KSR1: variants seen among roughly 807,000 people sequenced by gnomAD.
The protein encoded by KSR1 is kinase suppressor of ras 1, also known as kinase suppressor of ras.
A neutral mutation model predicts 92.9 loss-of-function variants in KSR1; 35 were observed. The ratio of observed to expected loss-of-function variants is 0.38; its 90% CI spans 0.29 to 0.50. KSR1 has a LOEUF of 0.50. KSR1 is among the 20% of genes least tolerant of loss of function. The pLI, the probability that KSR1 is intolerant of heterozygous loss-of-function variation, is 0.94. For missense variants in KSR1, 972 were observed against 1,158.5 expected, an observed-to-expected ratio of 0.84 and a Z score of 2.34; for synonymous variants, 467 against 472.6, an observed-to-expected ratio of 0.99 and a Z score of 0.15.
intron 1 of KSR1, among the ~76,000 whole-genome samples, chr17:27,505,762 T>G (rs1432798644): frequency 6.6e-6 from 1 of 152,254 alleles, no homozygotes; most frequent in Non-Finnish European, 1.5e-5. Context: ...TTTTTGTTGA[T>G]GTTTCTTCCA....
At chr17:27,557,413 G>A (rs1251394349) in intron 2 of KSR1, among the ~76,000 whole-genome samples, 2 of 152,196 alleles carry the variant, frequency 1.3e-5, no homozygotes, top group Non-Finnish European at 1.5e-5. Context: ...GACATAGCAC[G>A]CTCACTTGGC....
In KSR1 at chr17:27,522,399, A is replaced by C. The variant is rs2070077554; in HGVS notation, c.232-28169A>C. 2.0e-5 allele frequency among the ~76,000 whole-genome samples: 3 copies of C among 152,244 alleles called. 1 individual carries two copies. In the South Asian group the frequency reaches 6.2e-4, roughly 31 times the overall value. ...CGCCCAGCTCGCCTTTGCAGTGAGCAGATCCAGTATACATGTCACAGCTGG... is the reference window on the plus strand; with the variant it reads ...CGCCCAGCTCGCCTTTGCAGTGAGCCGATCCAGTATACATGTCACAGCTGG... On this transcript the variant is annotated intron_variant, in intron 1 of 20. Coordinates refer to ENST00000644974, the MANE Select transcript of KSR1 (RefSeq NM_001394583.1).
chr17:27,465,133 T>C (rs1329864367), intron 1 of KSR1: 1 of 150,444 alleles, frequency 6.6e-6, no homozygotes, highest in Non-Finnish European at 1.5e-5. Flanking sequence ...ATAAAAAAAT[T>C]TGTTGTCATT....
At chr17:27,569,124 T>G (rs931734229) in intron 2 of KSR1, among the ~76,000 whole-genome samples, 1 of 152,262 alleles carries the variant, frequency 6.6e-6, no homozygotes, top group African/African-American at 2.4e-5. Context: ...TAATACTGTT[T>G]CTTTTTTTAA....
chr17:27,532,257 G>A, intron 1 of KSR1, among the ~76,000 whole-genome samples: 1 of 152,232 alleles, frequency 6.6e-6, no homozygotes, highest in Middle Eastern at 3.2e-3. Context: ...CAGAGGGCAG[G>A]AGATGCAGAG....
intron 14 of KSR1, among the ~76,000 whole-genome samples, chr17:27,606,510 G>A (rs1251979006): frequency 6.6e-6 from 1 of 152,182 alleles, no homozygotes; most frequent in African/African-American, 2.4e-5. Flanking sequence ...CCGATTGTGG[G>A]TCTGAGGTCT....
intron 14 of KSR1, 23 bp downstream of exon 14, chr17:27,605,836 T>C (rs757852600): frequency 1.2e-6 from 2 of 1,610,830 alleles, no homozygotes; most frequent in East Asian, 2.2e-5. Flanking sequence ...TAGGACCTCA[T>C]GCTGGATGGC....
chr17:27,540,889 A>T (rs777856948), intron 1 of KSR1, among the ~76,000 whole-genome samples: 1 of 152,238 alleles, frequency 6.6e-6, no homozygotes. Context: ...CAAGTTGGCC[A>T]TGGCAGCCAG....
chr17:27,490,500 C>T (rs766925445), intron 1 of KSR1, among the ~76,000 whole-genome samples: 5 of 152,002 alleles, frequency 3.3e-5, no homozygotes, highest in Admixed American at 6.5e-5. Flanking sequence ...CATGGAAAGC[C>T]AATGTATAAA....
intron 2 of KSR1, among the ~76,000 whole-genome samples, chr17:27,554,071 C>G (rs1222440756): frequency 6.6e-6 from 1 of 152,188 alleles, no homozygotes; most frequent in Admixed American, 6.5e-5. Flanking sequence ...TGGGAATTGG[C>G]TCTGTAAGTT....
chr17:27,537,740 G>A (rs1398339022), intron 1 of KSR1, among the ~76,000 whole-genome samples: 1 of 152,144 alleles, frequency 6.6e-6, no homozygotes, highest in Non-Finnish European at 1.5e-5. Flanking sequence ...GATTCATGTA[G>A]GTATTAGGTG....
At position 27,597,294 on chromosome 17, in the gene KSR1, G is replaced by T; in HGVS notation, c.1326G>T (p.Leu442=). ...KKEHPPAMNH[L]DSSSNPSSTT... The stretch of plus-strand genomic sequence containing the variant: ...AGCACCCTCCGGCCATGAATCACCT[G>T]GACTCCAGCAGCAACCCTTCCTCCA... The change falls in exon 10 of 21, where the codon CTG becomes CTT. Residue 442 remains leucine (L), a synonymous_variant. Coordinates refer to ENST00000644974, the MANE Select transcript of KSR1 (RefSeq NM_001394583.1). The T allele has an allele frequency of 3.1e-6, 5 of 1,601,030 alleles. No homozygotes were observed. Among genetic ancestry groups the T allele is most frequent in the Middle Eastern group, 3.3e-4 (2 of 6,046 alleles).
chr17:27,589,816 G>T (rs374167100), intron 6 of KSR1, among the ~76,000 whole-genome samples: 1 of 152,060 alleles, frequency 6.6e-6, no homozygotes, highest in East Asian at 1.9e-4. Flanking sequence ...ACACTGATAC[G>T]TTGAAACGTC....
Position 27,563,981 on chromosome 17 carries a change from CTTTTTTTTTTTT to C in KSR1, c.372+13287_372+13298del, listed in dbSNP as rs200904358. On this transcript the variant is annotated intron_variant, in intron 2 of 20. Coordinates refer to ENST00000644974, the MANE Select transcript of KSR1 (RefSeq NM_001394583.1). ...TATTTGTACAGTTGGTATTCGGTAG[CTTTTTTTTTTTT>C]TTTTTTTTTTTTTGAGATGGAATTT... 1.0e-3 allele frequency among the ~76,000 whole-genome samples: 48 copies of C among 46,898 alleles called. 1 individual carries two copies. In the East Asian group the frequency reaches 0.018, roughly 18 times the overall value. 30.8% of individuals were successfully genotyped at this position (46,898 alleles called of 152,430 possible). A position where few individuals can be genotyped will look rare whatever the true frequency, so the allele number is the denominator to read the frequency against.
At chr17:27,477,678 C>G (rs2068386027) in intron 1 of KSR1, among the ~76,000 whole-genome samples, 1 of 151,980 alleles carries the variant, frequency 6.6e-6, no homozygotes, top group Admixed American at 6.6e-5. Flanking sequence ...CCCTCCACTT[C>G]TACGCCAGAT....
At position 27,609,412 on chromosome 17, in the gene KSR1, T is replaced by C; in HGVS notation, c.2225+83T>C. ...CTGAGGTCTGGGCACTTTCACTGTT[T>C]GTTGCTGAGCTGCAGCCCTCCCTGC... On this transcript the variant is annotated intron_variant, in intron 16 of 20. Transcript: ENST00000644974. 3 of 1,559,120 alleles carry C rather than the reference T, an allele frequency of 1.9e-6. No individual in the cohort carries two copies. The South Asian group carries it at 3.4e-5, about 18-fold the overall frequency.
intron 2 of KSR1, among the ~76,000 whole-genome samples, chr17:27,566,013 G>T (rs1598041146): frequency 6.6e-6 from 1 of 152,112 alleles, no homozygotes; most frequent in South Asian, 2.1e-4. Flanking sequence ...GGTTCTTCCT[G>T]TTGGTCTCCA....
At chr17:27,623,077 G>A (rs2074269304) in intron 20 of KSR1, 1 of 584,540 alleles carries the variant, frequency 1.7e-6, no homozygotes. Context: ...CTGGGAGCTT[G>A]GGACTTGGAG....
intron 2 of KSR1, among the ~76,000 whole-genome samples, chr17:27,570,533 T>C (rs2072264756): frequency 6.6e-6 from 1 of 152,206 alleles, no homozygotes. Flanking sequence ...AAACAAGCTT[T>C]CAATCCCAGG....
Sources: allele counts gnomAD v4.1 joint callset (sites outside exome capture counted in the v4.1 genomes callset), GRCh38; gene constraint gnomAD v4.1.1; transcripts MANE v1.5; gene names NCBI Gene and HGNC (gene_info 2026-07-23, HGNC 2026-07-21).